NEMP2: variants seen among roughly 807,000 people sequenced by gnomAD.
NEMP2 encodes nuclear envelope integral membrane protein 2, also known as UPF0571 transmembrane protein.
In NEMP2, 53 loss-of-function variants were observed where a neutral mutation model predicts 54.2. The ratio of observed to expected loss-of-function variants is 0.98; its 90% CI spans 0.78 to 1.23. NEMP2 has a LOEUF of 1.23. Ranked by LOEUF, NEMP2 falls within the 50% of genes most tolerant of loss-of-function variation. The pLI is 0.00. For missense variants in NEMP2, 455 were observed against 511.3 expected (o/e 0.89, Z 1.06); for synonymous variants, 197 against 190.3 (o/e 1.04, Z -0.29).
rs1691138526 is a variant in NEMP2, at chr2:190,531,384, C to CTA, written c.97+3173_97+3174dup. ...GGATCAACCCTGAATGCCATCCTTA[C>CTA]TATGGAAAGACAGGTTTCTAAGCCT... is the stretch of plus-strand genomic sequence containing the variant. On this transcript the variant is annotated intron_variant, in intron 1 of 8. Transcript: ENST00000409150. This position sits in a 1 kb window ranked among gnomAD's most constrained non-coding sequence, Gnocchi z 4.7. Among the ~76,000 whole-genome samples the CTA allele has an allele frequency of 6.6e-6, 1 of 152,198 alleles. No homozygotes were observed. Among genetic ancestry groups the CTA allele is most frequent in the East Asian group, 1.9e-4 (1 of 5,192 alleles).
chr2:190,488,661 GAC>G, the NEMP2 span: 2 of 1,543,900 alleles, frequency 1.3e-6, no homozygotes, highest in Non-Finnish European at 1.7e-6. The surrounding 1 kb of genome is among the most constrained non-coding windows in gnomAD (Gnocchi z 6.4). Flanking sequence ...CTCCAGGAGT[GAC>G]ACACGCGGCC....
At chr2:190,486,831 C>G in the NEMP2 span, among the ~76,000 whole-genome samples, 3 of 152,198 alleles carry the variant, frequency 2.0e-5, no homozygotes, top group African/African-American at 7.2e-5. Context: ...TTAATCTCGT[C>G]TAGCTATAAA....
At position 190,514,724 on chromosome 2, in the gene NEMP2, CATT is replaced by C; in HGVS notation, c.728-49_728-47del. On this transcript the variant is annotated intron_variant, in intron 6 of 8. Transcript: ENST00000409150. This position sits in a 1 kb window ranked among gnomAD's most constrained non-coding sequence, Gnocchi z 5.7. Reference sequence around the variant, plus strand: ...AAATAATATAAATTTGAATTTGAGACATTATGTGAAAAACCTGGCAGAGCCTTG... The same window carrying C: ...AAATAATATAAATTTGAATTTGAGACATGTGAAAAACCTGGCAGAGCCTTG... 1 of 1,514,780 alleles carries C rather than the reference CATT, an allele frequency of 6.6e-7. No homozygotes were observed. The highest frequency in any genetic ancestry group is 9.0e-7 in the Non-Finnish European group (1 of 1,115,922). The allele number at this position is 1,514,780 out of a possible 1,614,324, so 93.8% of individuals were successfully genotyped here. A position where few individuals can be genotyped will look rare whatever the true frequency, so the allele number is the denominator to read the frequency against.
the NEMP2 span, among the ~76,000 whole-genome samples, chr2:190,459,443 A>G: frequency 6.6e-6 from 1 of 152,250 alleles, no homozygotes; most frequent in Non-Finnish European, 1.5e-5. This position sits in a 1 kb window ranked among gnomAD's most constrained non-coding sequence, Gnocchi z 5.3. Flanking sequence ...ACCTTAAGCC[A>G]TATCCTAGGA....
chr2:190,620,587 G>A, the NEMP2 span, among the ~76,000 whole-genome samples: 1 of 152,144 alleles, frequency 6.6e-6, no homozygotes, highest in African/African-American at 2.4e-5. The surrounding 1 kb of genome is among the most constrained non-coding windows in gnomAD (Gnocchi z 4.9). Flanking sequence ...ACCATGAATG[G>A]CATTTAAAGA....
the NEMP2 span, chr2:190,477,427 T>C: frequency 6.6e-6 from 6 of 907,232 alleles, no homozygotes; most frequent in Non-Finnish European, 7.9e-6. Context: ...AATACATGCA[T>C]ATAACTTTTT....
chr2:190,529,451 T>A lies in NEMP2; in HGVS notation c.98-4073A>T, dbSNP rs926403117. Among the ~76,000 whole-genome samples the A allele has an allele frequency of 1.2e-4, 19 of 152,134 alleles. No individual in the cohort carries two copies. Among genetic ancestry groups the A allele is most frequent in the African/African-American group, 4.3e-4 (18 of 41,414 alleles). The stretch of plus-strand genomic sequence containing the variant: ...TTCTCCCAGATCTTGGCAGAGCTCA[T>A]CCCTTCCAATCACTGATATACTCTA... On this transcript the variant is annotated intron_variant, in intron 1 of 8. Coordinates refer to ENST00000409150, the MANE Select transcript of NEMP2 (RefSeq NM_001142645.2). This position sits in a 1 kb window ranked among gnomAD's most constrained non-coding sequence, Gnocchi z 4.7.
At chr2:190,499,645 A>G (rs1291604350), downstream of NEMP2, among the ~76,000 whole-genome samples, 1 of 152,244 alleles carries the variant, frequency 6.6e-6, no homozygotes, top group Non-Finnish European at 1.5e-5. The surrounding 1 kb of genome is among the most constrained non-coding windows in gnomAD (Gnocchi z 6.0). Context: ...GGTCTTAGCA[A>G]GCGGCCTGAG....
chr2:190,476,887 A>C, the NEMP2 span, among the ~76,000 whole-genome samples: 1 of 152,114 alleles, frequency 6.6e-6, no homozygotes, highest in Non-Finnish European at 1.5e-5. Flanking sequence ...AAAAATGATG[A>C]GTTCATGTCC....
the NEMP2 span, among the ~76,000 whole-genome samples, chr2:190,635,118 T>TA: frequency 6.6e-6 from 1 of 152,234 alleles, no homozygotes; most frequent in South Asian, 2.1e-4. This position sits in a 1 kb window ranked among gnomAD's most constrained non-coding sequence, Gnocchi z 4.1. Flanking sequence ...TTAGTGTACT[T>TA]ACAGGCTACC....
At chr2:190,561,538 C>G in the NEMP2 span, among the ~76,000 whole-genome samples, 1 of 152,120 alleles carries the variant, frequency 6.6e-6, no homozygotes, top group African/African-American at 2.4e-5. This position sits in a 1 kb window ranked among gnomAD's most constrained non-coding sequence, Gnocchi z 5.4. Flanking sequence ...TCAGTTTGGA[C>G]TAGGGCCCAC....
At chr2:190,610,074 A>G in the NEMP2 span, 1 of 152,234 alleles carries the variant, frequency 6.6e-6, no homozygotes, top group African/African-American at 2.4e-5. The surrounding 1 kb of genome is among the most constrained non-coding windows in gnomAD (Gnocchi z 5.4). Flanking sequence ...GGAGACCTGT[A>G]GCCAAAAAAT....
At chr2:190,445,880 TAAGCTC>T in the NEMP2 span, among the ~76,000 whole-genome samples, 1 of 152,196 alleles carries the variant, frequency 6.6e-6, no homozygotes, top group Non-Finnish European at 1.5e-5. Flanking sequence ...CCTTTATCTT[TAAGCTC>T]TAAGGATTAC....
chr2:190,502,661 T>C (rs930865461), downstream of NEMP2, among the ~76,000 whole-genome samples: 1 of 152,220 alleles, frequency 6.6e-6, no homozygotes, highest in African/African-American at 2.4e-5. This position sits in a 1 kb window ranked among gnomAD's most constrained non-coding sequence, Gnocchi z 4.4. Flanking sequence ...GGCTAATAGC[T>C]TCCCTCTAAT....
chr2:190,474,465 G>T, the NEMP2 span, among the ~76,000 whole-genome samples: 1 of 152,170 alleles, frequency 6.6e-6, no homozygotes, highest in Non-Finnish European at 1.5e-5. Context: ...AGAAAATCTA[G>T]AAGAAATGGA....
At chr2:190,495,242 C>T in the NEMP2 span, among the ~76,000 whole-genome samples, 2 of 152,118 alleles carry the variant, frequency 1.3e-5, no homozygotes, top group Admixed American at 1.3e-4. The surrounding 1 kb of genome is among the most constrained non-coding windows in gnomAD (Gnocchi z 4.7). Context: ...AACCCAACAC[C>T]TTTTATAATA....
chr2:190,613,979 TC>T, the NEMP2 span, among the ~76,000 whole-genome samples: 1 of 151,154 alleles, frequency 6.6e-6, no homozygotes, highest in Non-Finnish European at 1.5e-5. Context: ...GACTAGTCTT[TC>T]CTTTTTCTGT....
chr2:190,516,232 T>C (rs1387387003), intron 6 of NEMP2, 38 bp downstream of exon 6: 41 of 1,423,812 alleles, frequency 2.9e-5, no homozygotes, highest in Non-Finnish European at 3.6e-5. Flanking sequence ...ATCTCAGTTT[T>C]ACCAATCACA....
the NEMP2 span, among the ~76,000 whole-genome samples, chr2:190,563,867 C>T: frequency 2.0e-5 from 3 of 152,242 alleles, no homozygotes; most frequent in Non-Finnish European, 4.4e-5. This position sits in a 1 kb window ranked among gnomAD's most constrained non-coding sequence, Gnocchi z 4.3. Flanking sequence ...CATCAAAGCC[C>T]TGCCAAGGCC....
Sources: allele counts gnomAD v4.1 joint callset (sites outside exome capture counted in the v4.1 genomes callset), GRCh38; gene constraint gnomAD v4.1.1; non-coding constraint Gnocchi (gnomAD v3.1); transcripts MANE v1.5; gene names NCBI Gene and HGNC (gene_info 2026-07-23, HGNC 2026-07-21).